TTC23: variants seen among roughly 807,000 people sequenced by gnomAD.
The protein encoded by TTC23 is tetratricopeptide repeat protein 23.
In TTC23, 58 loss-of-function variants were observed where a neutral mutation model predicts 55.1. The ratio of observed to expected loss-of-function variants is 1.05; its 90% CI spans 0.85 to 1.31. The LOEUF (loss-of-function observed/expected upper bound fraction) is 1.31. Among genes scored for constraint, TTC23 ranks in the 50% most tolerant of loss-of-function variants. The pLI is 0.00. For synonymous variants in TTC23, 203 were observed against 199.9 expected (o/e 1.02, Z -0.13); for missense variants, 516 against 534.4 (o/e 0.97, Z 0.34).
In TTC23 at chr15:99,164,659, T is replaced by C. The variant is rs191541433; in HGVS notation, c.866-2792A>G. ...TCTATCATTTCTAGTTTTGCATTTG[T>C]ACTTCCTCTCTGTTTTCTTGATTAG... is the stretch of plus-strand genomic sequence containing the variant. On this transcript the variant is annotated intron_variant, in intron 10 of 13. Transcript: ENST00000394132. Among the ~76,000 whole-genome samples, 11 of 152,362 alleles carry C rather than the reference T, an allele frequency of 7.2e-5. No homozygotes were observed. The East Asian group carries it at 2.1e-3, about 29-fold the overall frequency.
chr15:99,234,133 T>C lies in TTC23; in HGVS notation c.-21+855A>G, dbSNP rs545433348. Among the ~76,000 whole-genome samples, 6 of 152,304 alleles carry C rather than the reference T, an allele frequency of 3.9e-5. No individual in the cohort carries two copies. The East Asian group carries it at 1.2e-3, about 29-fold the overall frequency. ...ATGCATTAGGCAAAGCTTTCCTAGATATGACCACCAAAAAGAATCATTAAA... is the reference window on the plus strand; with the variant it reads ...ATGCATTAGGCAAAGCTTTCCTAGACATGACCACCAAAAAGAATCATTAAA... On this transcript the variant is annotated intron_variant, in intron 4 of 13. Coordinates refer to ENST00000394132, the MANE Select transcript of TTC23 (RefSeq NM_001288615.3).
intron 8 of TTC23, among the ~76,000 whole-genome samples, chr15:99,203,458 T>C (rs1490924493): frequency 6.6e-6 from 1 of 152,148 alleles, no homozygotes; most frequent in Admixed American, 6.5e-5. Flanking sequence ...GCATTTATCA[T>C]TTCTTTGTGT....
intron 11 of TTC23, chr15:99,157,187 A>T (rs192571379): frequency 8.1e-6 from 1 of 123,654 alleles, no homozygotes; most frequent in Non-Finnish European, 1.7e-5. Context: ...CTTCCATTTT[A>T]CAACAGCAGG....
At chr15:99,138,207 C>CCCATTTATGAGA in intron 13 of TTC23, 80 bp from the exon 14 acceptor site, 1 of 1,567,130 alleles carries the variant, frequency 6.4e-7, no homozygotes, top group Non-Finnish European at 8.7e-7. Context: ...TGCTGCCCAG[C>CCCATTTATGAGA]AGGTGCCCAG....
intron 9 of TTC23, among the ~76,000 whole-genome samples, chr15:99,179,067 G>C (rs962231165): frequency 6.6e-6 from 1 of 152,182 alleles, no homozygotes; most frequent in African/African-American, 2.4e-5. Flanking sequence ...TTAAAGGTCA[G>C]CCTCTGGGGC....
chr15:99,204,780 T>C (rs2076486813), intron 8 of TTC23, among the ~76,000 whole-genome samples: 1 of 151,558 alleles, frequency 6.6e-6, no homozygotes, highest in Non-Finnish European at 1.5e-5. Flanking sequence ...GGACTATAGG[T>C]GCACACCACC....
chr15:99,203,596 C>G (rs1283684922), intron 8 of TTC23, among the ~76,000 whole-genome samples: 2 of 151,978 alleles, frequency 1.3e-5, no homozygotes, highest in African/African-American at 4.8e-5. Flanking sequence ...TTTTTATACC[C>G]AATAGTTTTC....
At chr15:99,222,359 C>T (rs550262896) in intron 5 of TTC23, among the ~76,000 whole-genome samples, 2 of 152,222 alleles carry the variant, frequency 1.3e-5, no homozygotes, top group Admixed American at 6.5e-5. Flanking sequence ...ACTGTAGCCT[C>T]GACCTCCAGG....
At chr15:99,165,271 C>G (rs1363146287) in intron 10 of TTC23, among the ~76,000 whole-genome samples, 3 of 152,186 alleles carry the variant, frequency 2.0e-5, no homozygotes, top group African/African-American at 7.2e-5. Context: ...ACACAGAAGT[C>G]TAGCATCCTT....
rs112267014 is a variant in TTC23, at chr15:99,214,230, G to A, written c.581+4358C>T. Among the ~76,000 whole-genome samples the A allele has an allele frequency of 5.9e-5, 9 of 151,874 alleles. 1 individual carries two copies. In the East Asian group the frequency reaches 9.7e-4, roughly 16 times the overall value. On this transcript the variant is annotated intron_variant, in intron 8 of 13. Coordinates refer to ENST00000394132, the MANE Select transcript of TTC23 (RefSeq NM_001288615.3). The stretch of plus-strand genomic sequence containing the variant: ...CTGGGCTCAAGAGATCCTCCCGGCC[G>A]GGTGCGGTGGCTCACGCCTGTAATC...
At chr15:99,194,676 C>T (rs556687746) in intron 9 of TTC23, among the ~76,000 whole-genome samples, 185 of 152,194 alleles carry the variant, frequency 1.2e-3, no homozygotes, top group African/African-American at 3.9e-3. Flanking sequence ...TGGCTCACAC[C>T]TATAATCCCA....
chr15:99,183,592 G>T (rs566249994), intron 9 of TTC23, among the ~76,000 whole-genome samples: 1 of 149,362 alleles, frequency 6.7e-6, no homozygotes, highest in African/African-American at 2.5e-5. Context: ...ACCTGCCTCG[G>T]CCTCCCAAAG....
chr15:99,172,992 C>G (rs2151926031), intron 10 of TTC23, among the ~76,000 whole-genome samples: 1 of 152,324 alleles, frequency 6.6e-6, no homozygotes, highest in Admixed American at 6.5e-5. Context: ...CACAGATTCA[C>G]TAGGTCCCAC....
chr15:99,236,467 CTT>C (rs869228713), intron 3 of TTC23, among the ~76,000 whole-genome samples: 62 of 140,522 alleles, frequency 4.4e-4, no homozygotes, highest in Admixed American at 5.7e-4. Context: ...CCTTTTCTCA[CTT>C]TTTTTTTTTT....
intron 9 of TTC23, among the ~76,000 whole-genome samples, chr15:99,193,803 T>G (rs2075454794): frequency 6.6e-6 from 1 of 151,360 alleles, no homozygotes. Context: ...AGGTCAAGAG[T>G]TCAAGACCAG....
At chr15:99,206,883 A>C (rs920220600) in intron 8 of TTC23, among the ~76,000 whole-genome samples, 11 of 152,140 alleles carry the variant, frequency 7.2e-5, no homozygotes, top group African/African-American at 2.2e-4. Context: ...GTTCCTTATG[A>C]CACATTGTTA....
intron 3 of TTC23, among the ~76,000 whole-genome samples, chr15:99,235,392 G>A (rs866168238): frequency 7.1e-6 from 1 of 141,582 alleles, no homozygotes; most frequent in Non-Finnish European, 1.5e-5. Flanking sequence ...TTGTTTTTGA[G>A]ACGGAGTCTT....
intron 9 of TTC23, among the ~76,000 whole-genome samples, chr15:99,198,775 T>C (rs982787462): frequency 2.0e-4 from 30 of 152,078 alleles, no homozygotes; most frequent in Admixed American, 1.8e-3. Flanking sequence ...AAACTGTGAG[T>C]AGGAGTATAA....
chr15:99,250,311 A>C (rs2080618829), upstream of TTC23, among the ~76,000 whole-genome samples: 1 of 152,204 alleles, frequency 6.6e-6, no homozygotes, highest in Non-Finnish European at 1.5e-5. Context: ...ATAACTGATA[A>C]TTTTTATTAT....
Sources: gnomAD v4.1 joint callset for allele counts (sites outside exome capture counted in the v4.1 genomes callset) on GRCh38, gnomAD v4.1.1 for gene constraint, MANE v1.5 for transcripts, NCBI Gene and HGNC (gene_info 2026-07-23, HGNC 2026-07-21) for gene names.